Variants in GPC5 observed in about 807,000 individuals in gnomAD.
GPC5 encodes the protein glypican 5.
GPC5 carries 47 observed loss-of-function variants against 53.9 expected under a neutral mutation model. The observed-to-expected ratio is 0.87, with a 90% CI of 0.69 to 1.11. GPC5 has a LOEUF of 1.11. Ranked by LOEUF, GPC5 falls within the 50% of genes most tolerant of loss-of-function variation. The probability of loss-of-function intolerance (pLI) is 0.00; values close to 1 mark genes in which losing one functional copy is unlikely to be tolerated. For synonymous variants in GPC5, 286 were observed against 263.3 expected, an observed-to-expected ratio of 1.09 and a Z score of -0.84; for missense variants, 748 against 713.1, an observed-to-expected ratio of 1.05 and a Z score of -0.56.
At chr13:92,213,119 C>G (rs1454727654) in intron 7 of GPC5, among the ~76,000 whole-genome samples, 1 of 152,200 alleles carries the variant, frequency 6.6e-6, no homozygotes, top group East Asian at 1.9e-4. Flanking sequence ...TCTCTGAACT[C>G]AAAGCTCAGG....
At chr13:91,957,542 G>A (rs949992088) in intron 6 of GPC5, among the ~76,000 whole-genome samples, 5 of 152,046 alleles carry the variant, frequency 3.3e-5, no homozygotes, top group African/African-American at 9.7e-5. Flanking sequence ...AATACAAAGA[G>A]GGATTGTAAA....
intron 7 of GPC5, among the ~76,000 whole-genome samples, chr13:92,335,136 T>TC (rs1329984556): frequency 6.6e-6 from 1 of 152,122 alleles, no homozygotes; most frequent in Non-Finnish European, 1.5e-5. Flanking sequence ...CCATGAGAGT[T>TC]CCACCCCTGC....
intron 5 of GPC5, among the ~76,000 whole-genome samples, chr13:91,830,468 G>A (rs2038637887): frequency 6.6e-6 from 1 of 151,908 alleles, no homozygotes; most frequent in Non-Finnish European, 1.5e-5. Flanking sequence ...GGAGATTAAA[G>A]TAAAGACAGG....
intron 6 of GPC5, among the ~76,000 whole-genome samples, chr13:92,130,237 C>A (rs554080980): frequency 6.6e-6 from 1 of 151,858 alleles, no homozygotes; most frequent in African/African-American, 2.4e-5. Flanking sequence ...GAATGTTTGC[C>A]TAGGAGACCC....
chr13:91,866,114 C>T (rs553906380), intron 5 of GPC5, among the ~76,000 whole-genome samples: 3 of 152,256 alleles, frequency 2.0e-5, no homozygotes, highest in African/African-American at 7.2e-5. Flanking sequence ...CTGATCGACC[C>T]ACCTCAGCCT....
chr13:91,931,824 C>G (rs2039824205), intron 6 of GPC5, among the ~76,000 whole-genome samples: 1 of 151,948 alleles, frequency 6.6e-6, no homozygotes, highest in African/African-American at 2.4e-5. Flanking sequence ...TTAGATCTTT[C>G]CATGTGATCC....
At chr13:91,705,016 T>G (rs1467155173) in intron 3 of GPC5, among the ~76,000 whole-genome samples, 1 of 152,190 alleles carries the variant, frequency 6.6e-6, no homozygotes, top group East Asian at 1.9e-4. Flanking sequence ...GTTCCCTTCT[T>G]GGTCTTGTGT....
intron 7 of GPC5, among the ~76,000 whole-genome samples, chr13:92,299,664 A>G (rs543401100): frequency 6.6e-6 from 1 of 152,294 alleles, no homozygotes; most frequent in East Asian, 1.9e-4. Context: ...TTATTCCTGA[A>G]GCCCCCCAAA....
chr13:92,487,459 G>T (rs1444998867), intron 7 of GPC5, among the ~76,000 whole-genome samples: 1 of 152,152 alleles, frequency 6.6e-6, no homozygotes, highest in Admixed American at 6.5e-5. Flanking sequence ...ATGTCATGAT[G>T]TACCATGTGC....
At chr13:92,724,912 A>ACACACACACACAC (rs1555306824) in intron 7 of GPC5, among the ~76,000 whole-genome samples, 5 of 124,772 alleles carry the variant, frequency 4.0e-5, no homozygotes, top group Non-Finnish European at 8.7e-5. Context: ...ACACACACAC[A>ACACACACACACAC]AGAAAGAAAA....
At chr13:92,192,838 T>C (rs1171639231) in intron 7 of GPC5, among the ~76,000 whole-genome samples, 2 of 152,210 alleles carry the variant, frequency 1.3e-5, no homozygotes, top group Non-Finnish European at 2.9e-5. Flanking sequence ...ATTACTTTTT[T>C]TAAAATTTGA....
chr13:92,547,225 C>T (rs1161345653), intron 7 of GPC5, among the ~76,000 whole-genome samples: 3 of 151,842 alleles, frequency 2.0e-5, no homozygotes, highest in African/African-American at 2.4e-5. Context: ...AATTTTAGTT[C>T]TTTTTAAAAA....
chr13:91,429,704 G>A (rs1226643619), intron 1 of GPC5, among the ~76,000 whole-genome samples: 2 of 152,186 alleles, frequency 1.3e-5, no homozygotes, highest in African/African-American at 4.8e-5. Context: ...CAGAGAAAAG[G>A]TCAGTGGCTC....
chr13:91,442,370 CTA>C (rs1880503402), intron 1 of GPC5, among the ~76,000 whole-genome samples: 1 of 152,134 alleles, frequency 6.6e-6, no homozygotes, highest in African/African-American at 2.4e-5. Context: ...GTTATATTTT[CTA>C]TGTCTCTCCT....
chr13:91,541,443 G>A (rs1285574457), intron 2 of GPC5, among the ~76,000 whole-genome samples: 1 of 152,116 alleles, frequency 6.6e-6, no homozygotes, highest in Non-Finnish European at 1.5e-5. Context: ...AGATATACTA[G>A]GTTTCATGTG....
intron 7 of GPC5, among the ~76,000 whole-genome samples, chr13:92,211,215 T>TA (rs776222797): frequency 2.6e-5 from 4 of 152,174 alleles, no homozygotes; most frequent in Admixed American, 6.5e-5. Flanking sequence ...GGATATCTAT[T>TA]GAATTGAGGT....
intron 5 of GPC5, among the ~76,000 whole-genome samples, chr13:91,805,713 C>T (rs1231883258): frequency 2.0e-5 from 3 of 152,132 alleles, no homozygotes; most frequent in East Asian, 1.9e-4. Flanking sequence ...ATTATAACTT[C>T]AAATCTGACC....
intron 6 of GPC5, among the ~76,000 whole-genome samples, chr13:91,918,902 C>G (rs960842432): frequency 6.6e-6 from 1 of 152,020 alleles, no homozygotes; most frequent in Non-Finnish European, 1.5e-5. Context: ...CTGCATTTCC[C>G]TCTCTCATGG....
At chr13:92,194,746 G>T (rs2139052192) in intron 7 of GPC5, among the ~76,000 whole-genome samples, 1 of 152,234 alleles carries the variant, frequency 6.6e-6, no homozygotes, top group East Asian at 1.9e-4. Flanking sequence ...TGTATATTAG[G>T]CTCTTTCTGA....
Sources: gnomAD v4.1 joint callset for allele counts (sites outside exome capture counted in the v4.1 genomes callset) on GRCh38, gnomAD v4.1.1 for gene constraint, MANE v1.5 for transcripts, NCBI Gene and HGNC (gene_info 2026-07-23, HGNC 2026-07-21) for gene names.